S100Z: variants seen among roughly 807,000 people sequenced by gnomAD.
S100Z encodes S100 calcium binding protein Z.
Under a neutral mutation model 8.5 loss-of-function variants are expected in S100Z, and 11 were observed. The ratio of observed to expected loss-of-function variants is 1.30; its 90% CI spans 0.82 to 2.15. S100Z has a LOEUF of 2.15. Among genes scored for constraint, S100Z ranks in the 30% most tolerant of loss-of-function variants. S100Z has a pLI of 0.00. For synonymous variants in S100Z, 34 were observed against 43.8 expected, an observed-to-expected ratio of 0.78 and a Z score of 0.89; for missense variants, 126 against 117.9, an observed-to-expected ratio of 1.07 and a Z score of -0.32.
At chr5:76,911,881 C>T (rs186337177) in intron 4 of S100Z, among the ~76,000 whole-genome samples, 6 of 152,278 alleles carry the variant, frequency 3.9e-5, no homozygotes, top group African/African-American at 7.2e-5. Context: ...TTGGAATCAC[C>T]GGCTTTTGCT....
intron 4 of S100Z, among the ~76,000 whole-genome samples, chr5:76,893,456 T>C (rs908893897): frequency 1.3e-5 from 2 of 151,980 alleles, no homozygotes; most frequent in Non-Finnish European, 2.9e-5. Context: ...GGTGGGAGGA[T>C]TGATTGAACC....
chr5:76,893,574 ACTTTCTAGCTTTTG>A (rs1561240762), intron 4 of S100Z, among the ~76,000 whole-genome samples: 1 of 152,070 alleles, frequency 6.6e-6, no homozygotes, highest in Non-Finnish European at 1.5e-5. Flanking sequence ...AAACCACTTC[ACTTTCTAGCTTTTG>A]TTTTCAAAAG....
At chr5:76,922,095 G>A (rs566677925), downstream of S100Z, among the ~76,000 whole-genome samples, 2 of 152,192 alleles carry the variant, frequency 1.3e-5, no homozygotes, top group African/African-American at 4.8e-5. Context: ...CCCAAAGACT[G>A]TGCTTTGACA....
At chr5:76,949,388 CAA>C in the S100Z span, among the ~76,000 whole-genome samples, 1 of 122,580 alleles carries the variant, frequency 8.2e-6, no homozygotes, top group African/African-American at 3.2e-5. Flanking sequence ...GACTCCATCT[CAA>C]AAAAAAAATA....
chr5:76,897,413 A>G (rs888332857), intron 4 of S100Z, among the ~76,000 whole-genome samples: 1 of 152,022 alleles, frequency 6.6e-6, no homozygotes, highest in Non-Finnish European at 1.5e-5. Context: ...ACTGCACTCC[A>G]GCCTGGGCGA....
downstream of S100Z, among the ~76,000 whole-genome samples, chr5:76,923,604 C>T (rs1745084732): frequency 6.6e-6 from 1 of 152,212 alleles, no homozygotes; most frequent in Non-Finnish European, 1.5e-5. Flanking sequence ...TCCTCTTCCA[C>T]CTCCAACTAC....
intron 4 of S100Z, among the ~76,000 whole-genome samples, chr5:76,908,550 T>C (rs1744537959): frequency 6.6e-6 from 1 of 152,174 alleles, no homozygotes; most frequent in South Asian, 2.1e-4. Context: ...GCACCTGGGC[T>C]CACCAATGAG....
At chr5:76,891,064 G>A (rs531796812) in intron 4 of S100Z, among the ~76,000 whole-genome samples, 1 of 152,234 alleles carries the variant, frequency 6.6e-6, no homozygotes, top group South Asian at 2.1e-4. Flanking sequence ...GCTTTACCAT[G>A]TTGGCAAGGC....
Position 76,877,470 on chromosome 5 carries a change from G to A in S100Z, c.142-204G>A, listed in dbSNP as rs76831122. 9.7e-4 allele frequency among the ~76,000 whole-genome samples: 148 copies of A among 152,282 alleles called. No individual in the cohort carries two copies. The East Asian group carries it at 0.025, about 26-fold the overall frequency. Reference sequence around the variant, plus strand: ...TTTCTTGGTTTCTAGGTCTGAGCCAGGATTATATGGAGCTGGGGCAGGGGG... The same window carrying A: ...TTTCTTGGTTTCTAGGTCTGAGCCAAGATTATATGGAGCTGGGGCAGGGGG... On this transcript the variant is annotated intron_variant, in intron 3 of 4. Coordinates refer to ENST00000317593, the MANE Select transcript of S100Z (RefSeq NM_130772.4).
intron 1 of S100Z, among the ~76,000 whole-genome samples, chr5:76,867,878 G>T (rs1009750355): frequency 1.3e-5 from 2 of 152,058 alleles, no homozygotes; most frequent in Non-Finnish European, 2.9e-5. Flanking sequence ...CACTGCGGCC[G>T]GCCACAGTCA....
At chr5:76,854,110 C>T (rs1750809859) in intron 1 of S100Z, among the ~76,000 whole-genome samples, 1 of 152,132 alleles carries the variant, frequency 6.6e-6, no homozygotes, top group Non-Finnish European at 1.5e-5. Context: ...ACTGTGAGCC[C>T]ATTAAACCTC....
intron 3 of S100Z, among the ~76,000 whole-genome samples, chr5:76,876,850 A>G (rs1408816618): frequency 6.6e-6 from 1 of 152,186 alleles, no homozygotes; most frequent in Non-Finnish European, 1.5e-5. Flanking sequence ...GATTTCCTGG[A>G]GGAAATGAAC....
At chr5:76,871,012 C>T (rs1482999790) in intron 2 of S100Z, among the ~76,000 whole-genome samples, 3 of 152,170 alleles carry the variant, frequency 2.0e-5, no homozygotes, top group African/African-American at 7.2e-5. Context: ...AACAGACCCT[C>T]TCTTGGCCCA....
intron 4 of S100Z, chr5:76,878,157 A>G (rs112141521): frequency 0.014 from 2,291 of 169,524 alleles, 61 homozygotes; most frequent in African/African-American, 0.05. Flanking sequence ...AATTTCTAAG[A>G]TGGACATTCA....
chr5:76,865,238 C>CTATTTTTTTTTTTTTTTTTT (rs1491513943), intron 1 of S100Z, among the ~76,000 whole-genome samples: 1 of 110,652 alleles, frequency 9.0e-6, no homozygotes. Flanking sequence ...TGTGTCCTAG[C>CTATTTTTTTTTTTTTTTTTT]TCTTTTTTTT....
intron 4 of S100Z, among the ~76,000 whole-genome samples, chr5:76,911,290 G>C (rs539058237): frequency 6.6e-6 from 1 of 152,178 alleles, no homozygotes; most frequent in Non-Finnish European, 1.5e-5. Context: ...TACAAAAACC[G>C]AACGGTCAGT....
In S100Z at chr5:76,910,854, G is replaced by T. The variant is rs189048524; in HGVS notation, c.*3-9863G>T. On this transcript the variant is annotated intron_variant, in intron 4 of 4. Transcript: ENST00000317593. ...TCCTCAAGGTCCGTTACCATCCGAG[G>T]AATCCTGGGACAGCCTGTAACCAGT... is the stretch of plus-strand genomic sequence containing the variant. 4.6e-3 allele frequency among the ~76,000 whole-genome samples: 694 copies of T among 152,338 alleles called. 6 individuals carry two copies. Among genetic ancestry groups the T allele is most frequent in the African/African-American group, 0.016 (646 of 41,582 alleles).
intron 4 of S100Z, among the ~76,000 whole-genome samples, chr5:76,912,403 T>C (rs563324929): frequency 8.4e-4 from 128 of 152,260 alleles, no homozygotes; most frequent in Non-Finnish European, 1.5e-3. Flanking sequence ...TTAACCTATA[T>C]ACCAATGGAA....
chr5:76,948,350 T>C, the S100Z span, among the ~76,000 whole-genome samples: 1 of 151,574 alleles, frequency 6.6e-6, no homozygotes, highest in Non-Finnish European at 1.5e-5. Context: ...AATAAATAAA[T>C]GCCTTCTGCA....
Sources: gnomAD v4.1 joint callset for allele counts (sites outside exome capture counted in the v4.1 genomes callset) on GRCh38, gnomAD v4.1.1 for gene constraint, MANE v1.5 for transcripts, NCBI Gene and HGNC (gene_info 2026-07-23, HGNC 2026-07-21) for gene names.